The following BAZ2B variants were observed in gnomAD, a reference collection of about 807,000 sequenced individuals.
The protein encoded by BAZ2B is bromodomain adjacent to zinc finger domain protein 2B.
BAZ2B carries 91 observed loss-of-function variants against 246.0 expected under a neutral mutation model. The observed-to-expected ratio is 0.37, with a 90% CI of 0.31 to 0.44. The LOEUF is 0.44. BAZ2B is among the 20% of genes least tolerant of loss of function. BAZ2B has a pLI of 1.00. For missense variants in BAZ2B, 2,332 were observed against 2,533.7 expected (o/e 0.92, Z 1.71); for synonymous variants, 855 against 860.0 (o/e 0.99, Z 0.10).
chr2:159,678,862 C>T, the BAZ2B span, among the ~76,000 whole-genome samples: 2 of 152,174 alleles, frequency 1.3e-5, no homozygotes, highest in African/African-American at 4.8e-5. Context: ...AACTACTGAT[C>T]TGTTTTCTAA....
rs55760591 is a variant in BAZ2B, at chr2:159,370,378, C to CTTTTT, written c.4213+2662_4213+2666dup. On this transcript the variant is annotated intron_variant, in intron 27 of 36. Coordinates refer to ENST00000392783, the MANE Select transcript of BAZ2B (RefSeq NM_013450.4). ...TTAAGTCTCCTAGGCACTGTACTAC[C>CTTTTT]TTTTTTTTTTTTTTTTTTTTTTGAG... Among the ~76,000 whole-genome samples, 74 of 92,250 alleles carry CTTTTT rather than the reference C, an allele frequency of 8.0e-4. 3 individuals carry two copies. Among genetic ancestry groups the CTTTTT allele is most frequent in the African/African-American group, 2.6e-3 (65 of 25,102 alleles). The allele number at this position is 92,250 out of a possible 152,430, so 60.5% of individuals were successfully genotyped here.
intron 1 of BAZ2B, among the ~76,000 whole-genome samples, chr2:159,586,660 G>C (rs1452917543): frequency 6.6e-6 from 1 of 152,004 alleles, no homozygotes; most frequent in African/African-American, 2.4e-5. Context: ...CTTGAGACTA[G>C]GAGTTCAAGA....
chr2:159,646,308 T>C, the BAZ2B span, among the ~76,000 whole-genome samples: 1 of 152,210 alleles, frequency 6.6e-6, no homozygotes, highest in Non-Finnish European at 1.5e-5. Context: ...AGTCAGAGTT[T>C]AAGGTTATCT....
intron 2 of BAZ2B, among the ~76,000 whole-genome samples, chr2:159,493,841 A>G (rs944306519): frequency 6.6e-6 from 1 of 152,246 alleles, no homozygotes; most frequent in Non-Finnish European, 1.5e-5. Context: ...AAGAGGCCAT[A>G]AACATATACC....
At chr2:159,431,835 G>C (rs200527115) in intron 9 of BAZ2B, among the ~76,000 whole-genome samples, 1 of 104,340 alleles carries the variant, frequency 9.6e-6, no homozygotes, top group African/African-American at 2.8e-5. Context: ...TACTTAGACT[G>C]TTTCCTCATA....
chr2:159,575,159 A>G (rs1685004912), intron 1 of BAZ2B, among the ~76,000 whole-genome samples: 1 of 152,140 alleles, frequency 6.6e-6, no homozygotes, highest in African/African-American at 2.4e-5. Flanking sequence ...AAAGTAGGAT[A>G]GTGGGTAATG....
chr2:159,643,773 G>A, the BAZ2B span, among the ~76,000 whole-genome samples: 2 of 151,396 alleles, frequency 1.3e-5, no homozygotes, highest in African/African-American at 4.9e-5. Context: ...CTACTCAGGA[G>A]GCTGAAGCAG....
At chr2:159,588,815 T>C (rs1688648535) in intron 1 of BAZ2B, among the ~76,000 whole-genome samples, 1 of 152,132 alleles carries the variant, frequency 6.6e-6, no homozygotes, top group Non-Finnish European at 1.5e-5. Flanking sequence ...TCGCCATGCA[T>C]CTCTAAAACA....
At chr2:159,367,713 A>G (rs986044745) in intron 27 of BAZ2B, among the ~76,000 whole-genome samples, 3 of 151,936 alleles carry the variant, frequency 2.0e-5, no homozygotes, top group Non-Finnish European at 4.4e-5. Flanking sequence ...GTGAAACCCC[A>G]TCTCTACTAA....
the BAZ2B span, among the ~76,000 whole-genome samples, chr2:159,707,673 A>C: frequency 3.9e-5 from 6 of 152,194 alleles, no homozygotes; most frequent in Non-Finnish European, 8.8e-5. Context: ...TAAAAATTAC[A>C]AAAATTAGCC....
chr2:159,453,137 A>G (rs2075305145), intron 4 of BAZ2B, among the ~76,000 whole-genome samples: 1 of 152,268 alleles, frequency 6.6e-6, no homozygotes, highest in Admixed American at 6.5e-5. Flanking sequence ...CAGAAAAATA[A>G]AGAAATTTAA....
At chr2:159,419,851 A>G (rs548526039) in intron 13 of BAZ2B, 35 of 152,342 alleles carry the variant, frequency 2.3e-4, no homozygotes, top group African/African-American at 8.2e-4. Flanking sequence ...CTCAGTGTCC[A>G]TTCGTGCCCA....
the BAZ2B span, among the ~76,000 whole-genome samples, chr2:159,700,514 C>T: frequency 5.2e-3 from 787 of 152,270 alleles, 12 homozygotes; most frequent in African/African-American, 0.018. Context: ...GGTGCGATCT[C>T]GGCTCACTGC....
intron 2 of BAZ2B, among the ~76,000 whole-genome samples, chr2:159,533,464 T>C (rs1376563249): frequency 1.3e-5 from 2 of 152,204 alleles, no homozygotes; most frequent in Non-Finnish European, 1.5e-5. Flanking sequence ...AAACTTATGA[T>C]CATTTTCATC....
intron 31 of BAZ2B, among the ~76,000 whole-genome samples, chr2:159,339,542 T>A (rs1470434757): frequency 6.6e-6 from 1 of 152,128 alleles, no homozygotes; most frequent in Admixed American, 6.6e-5. Flanking sequence ...AGAACTACCA[T>A]ACGATCTAGC....
At chr2:159,644,027 T>C in the BAZ2B span, among the ~76,000 whole-genome samples, 1 of 152,202 alleles carries the variant, frequency 6.6e-6, no homozygotes. Flanking sequence ...GAGGATCTCT[T>C]GACCCCAGGA....
chr2:159,639,241 G>C, the BAZ2B span, among the ~76,000 whole-genome samples: 1 of 152,148 alleles, frequency 6.6e-6, no homozygotes, highest in African/African-American at 2.4e-5. Context: ...ACAGACGAAA[G>C]CTGAGGGCTT....
chr2:159,354,475 C>T (rs899289873), intron 27 of BAZ2B, among the ~76,000 whole-genome samples: 2 of 152,038 alleles, frequency 1.3e-5, no homozygotes, highest in Non-Finnish European at 2.9e-5. Flanking sequence ...CTCAGTCTCC[C>T]AAGTAGCTGA....
intron 33 of BAZ2B, among the ~76,000 whole-genome samples, chr2:159,336,514 A>C (rs2065694442): frequency 1.3e-5 from 2 of 152,366 alleles, no homozygotes; most frequent in South Asian, 4.1e-4. Flanking sequence ...TTCTCTGCTT[A>C]TCTTGTATTT....
Sources: allele counts gnomAD v4.1 joint callset (sites outside exome capture counted in the v4.1 genomes callset), GRCh38; gene constraint gnomAD v4.1.1; transcripts MANE v1.5; gene names NCBI Gene and HGNC (gene_info 2026-07-23, HGNC 2026-07-21).